DENND5A: variants seen among roughly 807,000 people sequenced by gnomAD.
The protein encoded by DENND5A is DENN domain containing 5A, also known as DENN domain-containing protein 5A.
DENND5A carries 64 observed loss-of-function variants against 140.3 expected under a neutral mutation model. That is an observed-to-expected ratio of 0.46 (90% CI 0.37 to 0.56). The LOEUF (loss-of-function observed/expected upper bound fraction) is 0.56, where lower values mean the gene tolerates loss of function less well. Ranked by LOEUF, DENND5A falls within the 20% of genes least tolerant of loss-of-function variation. The pLI, the probability that DENND5A is intolerant of heterozygous loss-of-function variation, is 0.00. For missense variants in DENND5A, 1,292 were observed against 1,593.8 expected (o/e 0.81, Z 3.22); for synonymous variants, 605 against 607.7 (o/e 1.00, Z 0.07).
intron 1 of DENND5A, among the ~76,000 whole-genome samples, chr11:9,228,442 A>G (rs1025020006): frequency 6.6e-5 from 10 of 152,074 alleles, no homozygotes; most frequent in Non-Finnish European, 1.5e-4. Flanking sequence ...CACAGTAATG[A>G]AAACTCCACT....
intron 1 of DENND5A, among the ~76,000 whole-genome samples, chr11:9,229,312 C>T (rs1011761086): frequency 6.6e-6 from 1 of 152,074 alleles, no homozygotes; most frequent in Non-Finnish European, 1.5e-5. Flanking sequence ...AAAAACCACA[C>T]ATTTGGTGTC....
In DENND5A at chr11:9,141,993, G is replaced by A. The variant is rs760459844; in HGVS notation, c.3627C>T (p.Pro1209=). The change falls in exon 22 of 23, where the codon CCC becomes CCT. Residue 1209 remains proline (P), a synonymous_variant. Coordinates refer to ENST00000328194, the MANE Select transcript of DENND5A (RefSeq NM_015213.4). ...ACTTGCCATCCTTGCCGATGTTCCG[G>A]GGAGTATTGTTGATTGCAGTGACAA... ...CRFVTAINNT[P]RNIGKDGKFQ... 5.8e-5 allele frequency: 93 copies of A among 1,606,526 alleles called. No homozygotes were observed. The highest frequency in any genetic ancestry group is 7.6e-5 in the Non-Finnish European group (89 of 1,176,962).
chr11:9,217,263 C>G (rs1354400552), intron 1 of DENND5A, among the ~76,000 whole-genome samples: 1 of 151,988 alleles, frequency 6.6e-6, no homozygotes, highest in Non-Finnish European at 1.5e-5. Context: ...GCCTGTAATC[C>G]CAGCACTTTG....
At chr11:9,148,215 G>A (rs1017225755) in intron 15 of DENND5A, among the ~76,000 whole-genome samples, 2 of 152,164 alleles carry the variant, frequency 1.3e-5, no homozygotes, top group African/African-American at 2.4e-5. Flanking sequence ...CTGAAGGGCA[G>A]CAGAAATTTA....
At position 9,145,082 on chromosome 11, in the gene DENND5A, T is replaced by C. The variant is rs1847382159; in HGVS notation, c.3035A>G (p.Gln1012Arg). 2 of 1,614,054 alleles carry C rather than the reference T, an allele frequency of 1.2e-6. No individual in the cohort carries two copies. Among genetic ancestry groups the C allele is most frequent in the Non-Finnish European group, 1.7e-6 (2 of 1,179,926 alleles). The change falls in exon 18 of 23, where the codon CAG becomes CGG. Residue 1012 changes from glutamine to arginine, a missense_variant. Gln to Arg is a conservative substitution (Grantham distance 43). This residue lies in a region of DENND5A where 498 missense variants were observed against 689.7 expected (regional missense o/e 0.72). Transcript: ENST00000328194. ...CQNLGKLTTV[Q>R]IGHDNSGLYA... is the part of the protein sequence containing the mutation. The stretch of plus-strand genomic sequence containing the variant: ...CAGCCCAGAGTTATCATGGCCAATC[T>C]GGACAGTAGTAAGCTTCCCCAAGTT...
Position 9,178,383 on chromosome 11 carries a change from G to T in DENND5A, c.1672-17C>A. 1 of 1,515,690 alleles carries T rather than the reference G, an allele frequency of 6.6e-7. No individual in the cohort carries two copies. Among genetic ancestry groups the T allele is most frequent in the Non-Finnish European group, 9.2e-7 (1 of 1,092,318 alleles). 93.9% of individuals were successfully genotyped at this position (1,515,690 alleles called of 1,614,324 possible). A position where few individuals can be genotyped will look rare whatever the true frequency, so the allele number is the denominator to read the frequency against. On this transcript the variant is annotated splice_polypyrimidine_tract_variant and intron_variant, in intron 7 of 22. Transcript: ENST00000328194. ...AAAAGATGCCTGGTGGGACCAAAAA[G>T]AAGCAGTAATTGACAGGGAAAAGGG...
At chr11:9,242,039 A>G (rs912478669) in intron 1 of DENND5A, among the ~76,000 whole-genome samples, 1 of 150,428 alleles carries the variant, frequency 6.6e-6, no homozygotes, top group African/African-American at 2.4e-5. Context: ...AAAAAAAAGT[A>G]CAACATCTGT....
At chr11:9,260,047 AAAAG>A (rs1852125795) in intron 1 of DENND5A, among the ~76,000 whole-genome samples, 2 of 151,446 alleles carry the variant, frequency 1.3e-5, no homozygotes, top group South Asian at 2.1e-4. Context: ...AAAAAAAAAA[AAAAG>A]AGAGAGACTA....
In DENND5A at chr11:9,150,775, C is replaced by A. The variant is rs1173750336; in HGVS notation, c.2522-11G>T. On this transcript the variant is annotated splice_polypyrimidine_tract_variant and intron_variant, in intron 13 of 22. Coordinates refer to ENST00000328194, the MANE Select transcript of DENND5A (RefSeq NM_015213.4). ...AATCAAGAAGTATTCCTAGAATAAA[C>A]AAGTTGGTCATGTCCAAAGAGATCT... 6.3e-7 allele frequency: 1 copy of A among 1,595,258 alleles called. No homozygotes were observed. The highest frequency in any genetic ancestry group is 8.6e-7 in the Non-Finnish European group (1 of 1,163,988).
rs1168480130 is a variant in DENND5A at position 9,164,068 on chromosome 11, T to TC, written c.2283+1767_2283+1768insG. On this transcript the variant is annotated intron_variant, in intron 11 of 22. Transcript: ENST00000328194. ...ATATATTAATCAGGTTTTTTTTTTT[T>TC]TTTTTTTTTTTTTTTTTTTTTGAGA... 7.1e-5 allele frequency among the ~76,000 whole-genome samples: 7 copies of TC among 98,570 alleles called. No homozygotes were observed. The South Asian group carries it at 2.8e-3, about 39-fold the overall frequency. 64.7% of individuals were successfully genotyped at this position (98,570 alleles called of 152,430 possible).
intron 5 of DENND5A, among the ~76,000 whole-genome samples, chr11:9,182,686 C>T (rs1848771939): frequency 6.6e-6 from 1 of 152,116 alleles, no homozygotes; most frequent in Non-Finnish European, 1.5e-5. Context: ...CATGTTCTCA[C>T]TTGTATGTGG....
chr11:9,145,081 C>T lies in DENND5A; in HGVS notation c.3036G>A (p.Gln1012=), dbSNP rs1847382055. Residue 1012 remains glutamine, a synonymous_variant, in exon 18 of 23, where the codon CAG becomes CAA. Coordinates refer to ENST00000328194, the MANE Select transcript of DENND5A (RefSeq NM_015213.4). The stretch of plus-strand genomic sequence containing the variant: ...ACAGCCCAGAGTTATCATGGCCAAT[C>T]TGGACAGTAGTAAGCTTCCCCAAGT... ...CQNLGKLTTV[Q]IGHDNSGLYA... 1 of 1,614,088 alleles carries T rather than the reference C, an allele frequency of 6.2e-7. No individual in the cohort carries two copies.
Position 9,139,451 on chromosome 11 carries a change from C to T in DENND5A, c.*220G>A, listed in dbSNP as rs1394414452. 1 of 541,432 alleles carries T rather than the reference C, an allele frequency of 1.8e-6. No homozygotes were observed. The highest frequency in any genetic ancestry group is 3.3e-6 in the Non-Finnish European group (1 of 306,340). The allele number at this position is 541,432 out of a possible 1,614,324, so 33.5% of individuals were successfully genotyped here. A position where few individuals can be genotyped will look rare whatever the true frequency, so the allele number is the denominator to read the frequency against. On this transcript the variant is annotated 3_prime_UTR_variant, in exon 23 of 23. Transcript: ENST00000328194. ...AAAATAAGCGGCACCAGCCTCGCTC[C>T]CTCTCCCTATCACTCTTTCACATGA...
intron 5 of DENND5A, among the ~76,000 whole-genome samples, chr11:9,184,989 G>C (rs1457328979): frequency 6.6e-6 from 1 of 152,098 alleles, no homozygotes; most frequent in African/African-American, 2.4e-5. Flanking sequence ...TCAGGAGTTC[G>C]AGACCAGCCT....
intron 1 of DENND5A, chr11:9,242,368 C>T (rs773014442): frequency 1.3e-5 from 2 of 152,184 alleles, no homozygotes; most frequent in Non-Finnish European, 2.9e-5. Context: ...AACATACCTT[C>T]GTTATATCAT....
chr11:9,207,041 T>C (rs1468050666), intron 2 of DENND5A: 12 of 490,070 alleles, frequency 2.4e-5, no homozygotes, highest in African/African-American at 1.8e-4. Context: ...TCAAACCCAA[T>C]GGTTAATTTT....
intron 10 of DENND5A, 84 bp from the exon 11 acceptor site, chr11:9,166,051 G>A (rs925090840): frequency 8.0e-7 from 1 of 1,248,666 alleles, no homozygotes; most frequent in Non-Finnish European, 1.1e-6. Flanking sequence ...CCTGAAGAGG[G>A]CATTATTTTC....
chr11:9,211,179 A>G (rs1849865289), intron 1 of DENND5A, among the ~76,000 whole-genome samples: 1 of 152,218 alleles, frequency 6.6e-6, no homozygotes, highest in South Asian at 2.1e-4. Flanking sequence ...TACTAGCTTA[A>G]GAAACCAGAG....
intron 4 of DENND5A, among the ~76,000 whole-genome samples, chr11:9,203,312 A>C (rs941171085): frequency 5.9e-5 from 9 of 152,362 alleles, no homozygotes; most frequent in African/African-American, 2.2e-4. Context: ...AGGCTGAGGA[A>C]GAGGCAGAAA....
Sources: allele counts gnomAD v4.1 joint callset (sites outside exome capture counted in the v4.1 genomes callset), GRCh38; gene constraint gnomAD v4.1.1; regional missense constraint gnomAD v4.1.1; transcripts MANE v1.5; gene names NCBI Gene and HGNC (gene_info 2026-07-23, HGNC 2026-07-21).